Variants in CCSER1 observed in about 807,000 individuals in gnomAD.
The protein encoded by CCSER1 is serine-rich coiled-coil domain-containing protein 1.
Under a neutral mutation model 82.0 loss-of-function variants are expected in CCSER1, and 41 were observed. The ratio of observed to expected loss-of-function variants is 0.50; its 90% confidence interval spans 0.39 to 0.65. The LOEUF (loss-of-function observed/expected upper bound fraction) is 0.65, where lower values mean the gene tolerates loss of function less well. Among genes scored for constraint, CCSER1 ranks in the 30% least tolerant of loss-of-function variants. The pLI is 0.00. For missense variants in CCSER1, 1,119 were observed against 1,064.2 expected, an observed-to-expected ratio of 1.05 and a Z score of -0.72; for synonymous variants, 414 against 383.9, an observed-to-expected ratio of 1.08 and a Z score of -0.92.
chr4:90,158,617 A>G (rs1051229056), intron 1 of CCSER1, among the ~76,000 whole-genome samples: 1 of 152,116 alleles, frequency 6.6e-6, no homozygotes, highest in African/African-American at 2.4e-5. Flanking sequence ...GCCGCCTTGC[A>G]GTTTGATCTC....
At chr4:91,576,501 T>C (rs1386784910) in intron 10 of CCSER1, among the ~76,000 whole-genome samples, 4 of 151,970 alleles carry the variant, frequency 2.6e-5, no homozygotes, top group Admixed American at 6.6e-5. Context: ...TGTTTAATAA[T>C]GTATTTTTGA....
In CCSER1 at chr4:91,477,840, C is replaced by CTAT. The variant is rs1757675506; in HGVS notation, c.2218-120732_2218-120731insTAT. On this transcript the variant is annotated intron_variant, in intron 10 of 10. Transcript: ENST00000509176. ...AATGGCTTGGGTAGTATATATGCAT[C>CTAT]AAATTCTTCTTGTTGATAAACATAA... is the stretch of plus-strand genomic sequence containing the variant. Among the ~76,000 whole-genome samples, 4 of 151,870 alleles carry CTAT rather than the reference C, an allele frequency of 2.6e-5. 1 individual carries two copies. The East Asian group carries it at 7.7e-4, about 29-fold the overall frequency.
At chr4:90,558,915 G>C (rs931222492) in intron 5 of CCSER1, among the ~76,000 whole-genome samples, 20 of 152,186 alleles carry the variant, frequency 1.3e-4, no homozygotes, top group African/African-American at 3.6e-4. Context: ...CCTTAGAGTT[G>C]AGATGGCCAA....
chr4:90,938,258 G>T (rs1731196729), intron 9 of CCSER1, among the ~76,000 whole-genome samples: 1 of 151,916 alleles, frequency 6.6e-6, no homozygotes, highest in Admixed American at 6.6e-5. Context: ...GGTGACTACG[G>T]GTTGCAAAAA....
intron 10 of CCSER1, among the ~76,000 whole-genome samples, chr4:91,489,784 T>G (rs1758415364): frequency 4.1e-5 from 1 of 24,472 alleles, no homozygotes; most frequent in African/African-American, 9.2e-5. Context: ...CGAGACTCCA[T>G]CTTAAAATAA....
chr4:90,775,415 TAA>T (rs893119096), intron 7 of CCSER1, among the ~76,000 whole-genome samples: 1 of 152,138 alleles, frequency 6.6e-6, no homozygotes, highest in Non-Finnish European at 1.5e-5. Context: ...AGTTTTACAG[TAA>T]AAGAGATAAG....
At chr4:90,600,653 T>G in intron 5 of CCSER1, among the ~76,000 whole-genome samples, 1 of 152,072 alleles carries the variant, frequency 6.6e-6, no homozygotes, top group African/African-American at 2.4e-5. Flanking sequence ...TAAGTAGCAC[T>G]AGTCCTTCAA....
chr4:91,248,351 G>T (rs550774234), intron 10 of CCSER1, among the ~76,000 whole-genome samples: 4 of 152,260 alleles, frequency 2.6e-5, no homozygotes, highest in African/African-American at 9.6e-5. Context: ...CCTAGAGTGT[G>T]GCAAGAGGAG....
At chr4:90,884,079 T>A (rs1721749015) in intron 8 of CCSER1, among the ~76,000 whole-genome samples, 1 of 152,130 alleles carries the variant, frequency 6.6e-6, no homozygotes, top group Admixed American at 6.5e-5. Flanking sequence ...CATGTTCAAT[T>A]TTAAGTATCT....
rs185694102 is a variant in CCSER1 at position 90,993,217 on chromosome 4, A to C, written c.2172+69770A>C. On this transcript the variant is annotated intron_variant, in intron 9 of 10. Coordinates refer to ENST00000509176, the MANE Select transcript of CCSER1 (RefSeq NM_001145065.2). Reference sequence around the variant, plus strand: ...TCATTTTTATGTGGACATCAATCTCAACACAATTCCTTTCTCTTCAGATTG... The same window carrying C: ...TCATTTTTATGTGGACATCAATCTCCACACAATTCCTTTCTCTTCAGATTG... Among the ~76,000 whole-genome samples the C allele has an allele frequency of 8.5e-5, 13 of 152,104 alleles. No homozygotes were observed. In the East Asian group the frequency reaches 2.3e-3, roughly 27 times the overall value.
intron 10 of CCSER1, among the ~76,000 whole-genome samples, chr4:91,442,977 G>C (rs1187839167): frequency 6.6e-6 from 1 of 152,090 alleles, no homozygotes; most frequent in Non-Finnish European, 1.5e-5. Flanking sequence ...GAAACAACAG[G>C]TGCTGGAGAG....
intron 10 of CCSER1, among the ~76,000 whole-genome samples, chr4:91,174,552 G>A (rs556138938): frequency 2.0e-5 from 3 of 152,104 alleles, no homozygotes; most frequent in East Asian, 1.9e-4. Context: ...CCATCAACCC[G>A]TAATCTAGGT....
chr4:90,702,861 C>A (rs1738450478), intron 6 of CCSER1, among the ~76,000 whole-genome samples: 1 of 152,104 alleles, frequency 6.6e-6, no homozygotes, highest in African/African-American at 2.4e-5. Flanking sequence ...ATTCTTCTCT[C>A]TTTTCTTCTT....
chr4:90,865,991 G>A (rs1396337993), intron 8 of CCSER1, among the ~76,000 whole-genome samples: 1 of 151,940 alleles, frequency 6.6e-6, no homozygotes, highest in East Asian at 1.9e-4. Flanking sequence ...AGAGCAGGAG[G>A]AAGAGGGAAG....
intron 7 of CCSER1, chr4:90,781,455 A>G (rs920416388): frequency 2.0e-6 from 2 of 985,186 alleles, no homozygotes; most frequent in Non-Finnish European, 2.4e-6. Context: ...AATCAAATTT[A>G]ATGAAATGAT....
intron 1 of CCSER1, among the ~76,000 whole-genome samples, chr4:90,175,784 A>C (rs1353806674): frequency 1.3e-5 from 2 of 152,070 alleles, no homozygotes; most frequent in Non-Finnish European, 2.9e-5. Flanking sequence ...TTAAAAATGA[A>C]TATGAGTGAA....
intron 10 of CCSER1, among the ~76,000 whole-genome samples, chr4:91,560,571 A>G (rs559370671): frequency 6.6e-6 from 1 of 151,584 alleles, no homozygotes; most frequent in South Asian, 2.1e-4. Context: ...TTATGAGGTC[A>G]AGTTGCAGGT....
At chr4:90,997,868 C>G (rs767636062) in intron 9 of CCSER1, among the ~76,000 whole-genome samples, 7 of 152,032 alleles carry the variant, frequency 4.6e-5, no homozygotes, top group African/African-American at 7.2e-5. Flanking sequence ...CATGATTTTT[C>G]ATTTGTCAAT....
intron 5 of CCSER1, among the ~76,000 whole-genome samples, chr4:90,618,827 G>A (rs1721777459): frequency 6.6e-6 from 1 of 151,548 alleles, no homozygotes; most frequent in South Asian, 2.1e-4. Context: ...TTTAGACCTG[G>A]AGTTTGTGAC....
Sources: allele counts gnomAD v4.1 joint callset (sites outside exome capture counted in the v4.1 genomes callset), GRCh38; gene constraint gnomAD v4.1.1; transcripts MANE v1.5; gene names NCBI Gene and HGNC (gene_info 2026-07-23, HGNC 2026-07-21).